GNA12: variants seen among roughly 807,000 people sequenced by gnomAD.
GNA12 encodes G protein subunit alpha 12, also known as guanine nucleotide-binding protein subunit alpha-12.
A neutral mutation model predicts 26.0 loss-of-function variants in GNA12; 9 were observed. The ratio of observed to expected loss-of-function variants is 0.35; its 90% CI spans 0.21 to 0.60. GNA12 has a LOEUF of 0.60. Among genes scored for constraint, GNA12 ranks in the 20% least tolerant of loss-of-function variants. The probability of loss-of-function intolerance (pLI) is 0.78; values close to 1 mark genes in which losing one functional copy is unlikely to be tolerated. For missense variants in GNA12, 405 were observed against 525.8 expected (o/e 0.77, Z 2.25); for synonymous variants, 264 against 219.6 (o/e 1.20, Z -1.79).
At chr7:2,837,877 G>A (rs1305812460) in intron 1 of GNA12, among the ~76,000 whole-genome samples, 1 of 152,062 alleles carries the variant, frequency 6.6e-6, no homozygotes, top group Non-Finnish European at 1.5e-5. Flanking sequence ...GTCAAAAGGG[G>A]GGAAAAGATA....
At chr7:2,823,963 A>T (rs1272239112) in intron 1 of GNA12, among the ~76,000 whole-genome samples, 1 of 152,220 alleles carries the variant, frequency 6.6e-6, no homozygotes, top group Non-Finnish European at 1.5e-5. Flanking sequence ...TAGTGTCATT[A>T]CCATATGCCA....
intron 2 of GNA12, among the ~76,000 whole-genome samples, chr7:2,745,984 T>A (rs974624002): frequency 2.0e-5 from 3 of 152,118 alleles, no homozygotes; most frequent in Non-Finnish European, 4.4e-5. Context: ...CCTAAATATA[T>A]ATGCAAACAA....
chr7:2,836,825 G>A (rs1401173523), intron 1 of GNA12, among the ~76,000 whole-genome samples: 2 of 152,190 alleles, frequency 1.3e-5, no homozygotes, highest in East Asian at 3.9e-4. Flanking sequence ...TTGGGAGGCT[G>A]AGGCAGGAGA....
chr7:2,842,561 G>A (rs2114985537), intron 1 of GNA12, among the ~76,000 whole-genome samples: 1 of 152,272 alleles, frequency 6.6e-6, no homozygotes, highest in Middle Eastern at 3.4e-3. Flanking sequence ...GCTTCCCAAA[G>A]TGCAGGGATT....
intron 2 of GNA12, among the ~76,000 whole-genome samples, chr7:2,757,128 CCTTTTTT>C (rs1791338990): frequency 8.7e-6 from 1 of 115,136 alleles, no homozygotes. Context: ...ATCAGGTGGG[CCTTTTTT>C]TTTTTTTTTT....
At chr7:2,841,142 GTTTTCTTT>G (rs1169750509) in intron 1 of GNA12, among the ~76,000 whole-genome samples, 68 of 152,258 alleles carry the variant, frequency 4.5e-4, no homozygotes, top group African/African-American at 1.6e-3. Context: ...AGGAGGTTGA[GTTTTCTTT>G]TTTTCTTTTT....
chr7:2,786,063 T>C (rs935914241), intron 2 of GNA12, among the ~76,000 whole-genome samples: 10 of 152,100 alleles, frequency 6.6e-5, no homozygotes, highest in Admixed American at 2.0e-4. Flanking sequence ...CGAGATTCCG[T>C]TTAAAAAGAA....
chr7:2,827,126 C>T (rs961553577), intron 1 of GNA12, among the ~76,000 whole-genome samples: 1 of 152,102 alleles, frequency 6.6e-6, no homozygotes, highest in African/African-American at 2.4e-5. Context: ...TGAAGGAAGC[C>T]AGACACAAAA....
In GNA12 at chr7:2,769,722, G is replaced by A. The variant is rs566662174; in HGVS notation, c.525+25206C>T. 5.9e-5 allele frequency among the ~76,000 whole-genome samples: 9 copies of A among 151,982 alleles called. No homozygotes were observed. The South Asian group carries it at 1.7e-3, about 28-fold the overall frequency. On this transcript the variant is annotated intron_variant, in intron 2 of 3. Transcript: ENST00000275364. ...CACTCCAGCCTGGGTGAGAGAGTGA[G>A]ACTCTGTCTCAGAAAAAACAAAAAC...
rs1878804 is a variant in GNA12, at chr7:2,829,112, G to A, written c.309+14741C>T. ...AAGAAAAGAAAAAAGAAAATGGTCT[G>A]CTCATTGTATGAAGTACAAAGGGCT... On this transcript the variant is annotated intron_variant, in intron 1 of 3. Transcript: ENST00000275364. Among the ~76,000 whole-genome samples, 123 of 151,992 alleles carry A rather than the reference G, an allele frequency of 8.1e-4. 3 individuals are homozygous for A. The East Asian group carries it at 0.022, about 27-fold the overall frequency.
intron 2 of GNA12, among the ~76,000 whole-genome samples, chr7:2,777,228 A>C (rs1792100095): frequency 6.6e-6 from 1 of 152,248 alleles, no homozygotes; most frequent in South Asian, 2.1e-4. Flanking sequence ...GTATAAATGA[A>C]GAAAAGGAGG....
chr7:2,788,477 A>G (rs1182487989), intron 2 of GNA12, among the ~76,000 whole-genome samples: 1 of 152,222 alleles, frequency 6.6e-6, no homozygotes, highest in African/African-American at 2.4e-5. Context: ...ACCGAGCAAG[A>G]AAAGACACAA....
intron 2 of GNA12, among the ~76,000 whole-genome samples, chr7:2,779,474 C>T (rs1291712414): frequency 6.6e-6 from 1 of 151,808 alleles, no homozygotes; most frequent in African/African-American, 2.4e-5. Flanking sequence ...CACGCTACTA[C>T]ACTCCAGCCT....
chr7:2,787,054 C>T lies in GNA12; in HGVS notation c.525+7874G>A, dbSNP rs147927632. 4.1e-3 allele frequency among the ~76,000 whole-genome samples: 629 copies of T among 152,286 alleles called. 5 individuals carry two copies. The highest frequency in any genetic ancestry group is 0.014 in the African/African-American group (602 of 41,550). The stretch of plus-strand genomic sequence containing the variant: ...CACAGAGGCAGCCTGGGCGTACTCA[C>T]AAAGACAAGCGGTGGGCTCCCCAGT... On this transcript the variant is annotated intron_variant, in intron 2 of 3. Transcript: ENST00000275364.
intron 1 of GNA12, among the ~76,000 whole-genome samples, chr7:2,819,958 A>G (rs1278218219): frequency 1.3e-5 from 2 of 152,158 alleles, no homozygotes; most frequent in Non-Finnish European, 2.9e-5. Context: ...TAACACACAA[A>G]AGATGGAAAG....
intron 2 of GNA12, among the ~76,000 whole-genome samples, chr7:2,773,952 G>T (rs1401295607): frequency 6.6e-6 from 1 of 152,220 alleles, no homozygotes; most frequent in African/African-American, 2.4e-5. Flanking sequence ...AGAACGTGCC[G>T]CAGAATTGGA....
chr7:2,785,485 A>G (rs1454986342), intron 2 of GNA12, among the ~76,000 whole-genome samples: 2 of 152,248 alleles, frequency 1.3e-5, no homozygotes, highest in Non-Finnish European at 2.9e-5. Context: ...ACGGTCACAC[A>G]TATATACAGT....
intron 1 of GNA12, among the ~76,000 whole-genome samples, chr7:2,819,138 G>T (rs547231784): frequency 6.6e-6 from 1 of 152,116 alleles, no homozygotes; most frequent in Non-Finnish European, 1.5e-5. Context: ...TGAGCCGCTC[G>T]CTGCTGGTTC....
chr7:2,832,217 C>T (rs917261439), intron 1 of GNA12, among the ~76,000 whole-genome samples: 5 of 152,212 alleles, frequency 3.3e-5, no homozygotes, highest in African/African-American at 1.2e-4. Flanking sequence ...GTGACTTTCC[C>T]AGTGATGTTC....
Sources: allele counts gnomAD v4.1 joint callset (sites outside exome capture counted in the v4.1 genomes callset), GRCh38; gene constraint gnomAD v4.1.1; transcripts MANE v1.5; gene names NCBI Gene and HGNC (gene_info 2026-07-23, HGNC 2026-07-21).